Variants in MAGI1 observed in about 807,000 individuals in gnomAD.
MAGI1 encodes the protein membrane associated guanylate kinase, WW and PDZ domain containing 1, also known as membrane-associated guanylate kinase, WW and PDZ domain-containing protein 1.
In MAGI1, 58 loss-of-function variants were observed where a neutral mutation model predicts 139.9. The observed-to-expected ratio is 0.41, with a 90% CI of 0.34 to 0.52. The LOEUF is 0.52. MAGI1 is among the 20% of genes least tolerant of loss of function. The pLI is 0.12. For missense variants in MAGI1, 1,874 were observed against 1,901.6 expected (o/e 0.99, Z 0.27); for synonymous variants, 812 against 737.9 (o/e 1.10, Z -1.63).
chr3:65,843,658 T>G (rs1283650199), intron 1 of MAGI1, among the ~76,000 whole-genome samples: 1 of 152,104 alleles, frequency 6.6e-6, no homozygotes, highest in Non-Finnish European at 1.5e-5. Context: ...TTCATTTCGC[T>G]CTCCTCATCA....
intron 1 of MAGI1, among the ~76,000 whole-genome samples, chr3:65,817,438 C>T (rs548973762): frequency 6.6e-6 from 1 of 152,238 alleles, no homozygotes; most frequent in Non-Finnish European, 1.5e-5. Flanking sequence ...TCTACATTTG[C>T]CTTTATACGC....
chr3:65,551,458 G>A (rs997660085), intron 2 of MAGI1, among the ~76,000 whole-genome samples: 8 of 152,058 alleles, frequency 5.3e-5, no homozygotes, highest in South Asian at 2.1e-4. Flanking sequence ...GCACCACCGC[G>A]CGCGGCTAAT....
At chr3:65,973,374 T>C (rs2065101365) in intron 1 of MAGI1, among the ~76,000 whole-genome samples, 1 of 152,140 alleles carries the variant, frequency 6.6e-6, no homozygotes, top group South Asian at 2.1e-4. Context: ...TAGAAAAAAT[T>C]TCCTTTGGGT....
At chr3:65,992,978 T>C (rs2066257083) in intron 1 of MAGI1, among the ~76,000 whole-genome samples, 1 of 152,054 alleles carries the variant, frequency 6.6e-6, no homozygotes, top group Non-Finnish European at 1.5e-5. Context: ...GCACACGCCA[T>C]CATGCCTGGC....
At chr3:65,894,383 G>T (rs1259639502) in intron 1 of MAGI1, among the ~76,000 whole-genome samples, 1 of 152,056 alleles carries the variant, frequency 6.6e-6, no homozygotes, top group Non-Finnish European at 1.5e-5. Flanking sequence ...CATCTAAACT[G>T]AGTTGTTCCT....
chr3:65,638,730 C>T lies in MAGI1; in HGVS notation c.314-16642G>A, dbSNP rs183570365. On this transcript the variant is annotated intron_variant, in intron 1 of 22. Coordinates refer to ENST00000402939, the MANE Select transcript of MAGI1 (RefSeq NM_001033057.2). ...CAAGTGATTCTCCTGCCTCAACCAC[C>T]CAAGTAGCTGGGACTACAGGCATGT... Among the ~76,000 whole-genome samples, 190 of 149,930 alleles carry T rather than the reference C, an allele frequency of 1.3e-3. 1 individual carries two copies. The highest frequency in any genetic ancestry group is 1.9e-3 in the Admixed American group (28 of 14,990).
At chr3:65,801,326 C>A (rs1361128023) in intron 1 of MAGI1, among the ~76,000 whole-genome samples, 1 of 152,182 alleles carries the variant, frequency 6.6e-6, no homozygotes, top group African/African-American at 2.4e-5. Flanking sequence ...AAGGAAAGGT[C>A]TGATGAGGGA....
intron 1 of MAGI1, among the ~76,000 whole-genome samples, chr3:65,692,763 T>C (rs1228042507): frequency 6.6e-6 from 1 of 152,156 alleles, no homozygotes; most frequent in Admixed American, 6.5e-5. Flanking sequence ...AGACTGAGTC[T>C]GTTACAAAAA....
chr3:65,955,684 A>C lies in MAGI1; in HGVS notation c.313+82312T>G, dbSNP rs554491556. ...CTTGGAAAAAAAAAATTGTCTTGTAATTCTTATTTTTCTTTACTTCACTTT... is the reference window on the plus strand; with the variant it reads ...CTTGGAAAAAAAAAATTGTCTTGTACTTCTTATTTTTCTTTACTTCACTTT... On this transcript the variant is annotated intron_variant, in intron 1 of 22. Transcript: ENST00000402939. Among the ~76,000 whole-genome samples, 3 of 152,234 alleles carry C rather than the reference A, an allele frequency of 2.0e-5. No homozygotes were observed. The South Asian group carries it at 6.2e-4, about 32-fold the overall frequency.
chr3:65,509,043 T>TA (rs2077429071), intron 2 of MAGI1, among the ~76,000 whole-genome samples: 1 of 152,260 alleles, frequency 6.6e-6, no homozygotes. Flanking sequence ...TTTCACCAGA[T>TA]ACTTGCCTCT....
chr3:65,813,077 A>T (rs910118176), intron 1 of MAGI1, among the ~76,000 whole-genome samples: 27 of 152,288 alleles, frequency 1.8e-4, no homozygotes, highest in Admixed American at 4.6e-4. Flanking sequence ...AAGCAACATA[A>T]AAATACACAG....
intron 1 of MAGI1, among the ~76,000 whole-genome samples, chr3:65,692,438 T>G (rs564322370): frequency 2.0e-5 from 3 of 152,290 alleles, no homozygotes; most frequent in African/African-American, 7.2e-5. Flanking sequence ...ACTCATATGT[T>G]GAAGTCCTAG....
chr3:65,791,640 C>T (rs2039779368), intron 1 of MAGI1, among the ~76,000 whole-genome samples: 1 of 152,060 alleles, frequency 6.6e-6, no homozygotes, highest in African/African-American at 2.4e-5. Flanking sequence ...GAAATCAATA[C>T]CATATGCTAT....
chr3:65,383,744 A>G, intron 14 of MAGI1, 121 bp from the exon 15 acceptor site: 1 of 708,166 alleles, frequency 1.4e-6, no homozygotes, highest in East Asian at 2.6e-5. Flanking sequence ...GATTTTCAAT[A>G]TAGGCAAAGA....
intron 2 of MAGI1, among the ~76,000 whole-genome samples, chr3:65,531,169 T>A (rs2078695894): frequency 2.6e-5 from 4 of 151,662 alleles, no homozygotes; most frequent in East Asian, 3.9e-4. Context: ...AAAAAAAAAA[T>A]CTGAAAAAAA....
intron 10 of MAGI1, among the ~76,000 whole-genome samples, chr3:65,431,856 G>A (rs139536351): frequency 2.6e-5 from 4 of 152,094 alleles, no homozygotes; most frequent in Admixed American, 2.6e-4. Flanking sequence ...AGCCAGATGA[G>A]GTGGTGGATG....
chr3:65,511,666 T>G (rs957360434), intron 2 of MAGI1, among the ~76,000 whole-genome samples: 1 of 145,838 alleles, frequency 6.9e-6, no homozygotes, highest in Middle Eastern at 3.4e-3. Flanking sequence ...AAGTCCTGAG[T>G]GACCTACAAA....
chr3:65,812,110 C>A (rs920180997), intron 1 of MAGI1, among the ~76,000 whole-genome samples: 5 of 152,058 alleles, frequency 3.3e-5, no homozygotes, highest in Non-Finnish European at 5.9e-5. Flanking sequence ...AACTCAAAGC[C>A]AAGCTATTTA....
At chr3:65,746,871 A>C (rs2035753819) in intron 1 of MAGI1, among the ~76,000 whole-genome samples, 1 of 152,220 alleles carries the variant, frequency 6.6e-6, no homozygotes, top group Non-Finnish European at 1.5e-5. Flanking sequence ...CAGCAAACAG[A>C]GCCCCATCTC....
Sources: gnomAD v4.1 joint callset for allele counts (sites outside exome capture counted in the v4.1 genomes callset) on GRCh38, gnomAD v4.1.1 for gene constraint, MANE v1.5 for transcripts, NCBI Gene and HGNC (gene_info 2026-07-23, HGNC 2026-07-21) for gene names.